CLVS2: variants seen among roughly 807,000 people sequenced by gnomAD.
The protein encoded by CLVS2 is clavesin 2.
CLVS2 carries 19 observed loss-of-function variants against 29.0 expected under a neutral mutation model. The observed-to-expected ratio is 0.66, with a 90% CI of 0.46 to 0.96. The LOEUF (loss-of-function observed/expected upper bound fraction) is 0.96. Among genes scored for constraint, CLVS2 ranks in the 40% least tolerant of loss-of-function variants. The pLI is 0.00. For synonymous variants in CLVS2, 161 were observed against 151.3 expected (o/e 1.06, Z -0.47); for missense variants, 294 against 404.1 (o/e 0.73, Z 2.34).
chr6:123,012,080 G>T (rs61457326), intron 3 of CLVS2, among the ~76,000 whole-genome samples: 1 of 151,808 alleles, frequency 6.6e-6, no homozygotes, highest in Non-Finnish European at 1.5e-5. Flanking sequence ...TCTGCCTCTG[G>T]ACTGAATAAG....
chr6:123,000,157 A>G lies in CLVS2; in HGVS notation c.389+1991A>G, dbSNP rs540450239. Among the ~76,000 whole-genome samples the G allele has an allele frequency of 7.9e-5, 12 of 152,294 alleles. No individual in the cohort carries two copies. The East Asian group carries it at 1.9e-3, about 25-fold the overall frequency. ...AAATGAGAAGCTGTGTTCTGTAGAA[A>G]TTTCCTGTCAAGATGTCTAGACTTG... On this transcript the variant is annotated intron_variant, in intron 2 of 5. Coordinates refer to ENST00000275162, the MANE Select transcript of CLVS2 (RefSeq NM_001010852.4).
intron 3 of CLVS2, among the ~76,000 whole-genome samples, chr6:123,046,425 C>G (rs555733009): frequency 1.9e-4 from 29 of 152,116 alleles, no homozygotes; most frequent in Non-Finnish European, 3.8e-4. Context: ...TTTGGGAGGC[C>G]GAGGTGGGCG....
intron 3 of CLVS2, among the ~76,000 whole-genome samples, chr6:123,023,606 G>A (rs1284914563): frequency 6.6e-6 from 1 of 152,102 alleles, no homozygotes; most frequent in African/African-American, 2.4e-5. Flanking sequence ...GGAAGAAAGA[G>A]ATTTACTTTT....
At chr6:123,059,199 C>T (rs912849908) in intron 5 of CLVS2, among the ~76,000 whole-genome samples, 1 of 152,196 alleles carries the variant, frequency 6.6e-6, no homozygotes, top group Middle Eastern at 3.4e-3. Flanking sequence ...GTCAGCTCCT[C>T]GAAAGAGTCT....
At chr6:123,044,913 T>C (rs1231473287) in intron 3 of CLVS2, among the ~76,000 whole-genome samples, 7 of 152,192 alleles carry the variant, frequency 4.6e-5, no homozygotes, top group Non-Finnish European at 1.0e-4. Context: ...TATTTTCCTT[T>C]CACTCTTCCA....
chr6:123,066,178 A>T lies in CLVS2; in HGVS notation c.*2417A>T, dbSNP rs896595343. The T allele has an allele frequency of 2.6e-5, 4 of 151,922 alleles. No individual in the cohort carries two copies. Among genetic ancestry groups the T allele is most frequent in the African/African-American group, 7.2e-5 (3 of 41,542 alleles). The allele number at this position is 151,922 out of a possible 1,614,324, so 9.4% of individuals were successfully genotyped here. A position where few individuals can be genotyped will look rare whatever the true frequency, so the allele number is the denominator to read the frequency against. ...AGTCAAGGGATATTCATTCAACTTT[A>T]TAAATTTACCCCTCAGCACCAGCTA... On this transcript the variant is annotated 3_prime_UTR_variant, in exon 6 of 6. Transcript: ENST00000275162.
intron 3 of CLVS2, among the ~76,000 whole-genome samples, chr6:123,018,469 C>T (rs9401630): frequency 0.39 from 59,729 of 151,320 alleles, 12,052 homozygotes; most frequent in South Asian, 0.48. Context: ...AATTTTATCT[C>T]ATGAACACTT....
At position 122,997,525 on chromosome 6, in the gene CLVS2, G is replaced by T. The variant is rs1307449525; in HGVS notation, c.-253G>T. 1 of 543,590 alleles carries T rather than the reference G, an allele frequency of 1.8e-6. No homozygotes were observed. Among genetic ancestry groups the T allele is most frequent in the Non-Finnish European group, 3.4e-6 (1 of 297,162 alleles). The allele number at this position is 543,590 out of a possible 1,614,324, so 33.7% of individuals were successfully genotyped here. A position where few individuals can be genotyped will look rare whatever the true frequency, so the allele number is the denominator to read the frequency against. On this transcript the variant is annotated 5_prime_UTR_variant, in exon 2 of 6. Transcript: ENST00000275162. The stretch of plus-strand genomic sequence containing the variant: ...CATCTCTTTAAAGGAAAGGAAAGAG[G>T]GAGCCAAAGTAGGGTGTTGTATTTT...
chr6:123,023,458 C>T (rs1159143252), intron 3 of CLVS2, among the ~76,000 whole-genome samples: 1 of 151,908 alleles, frequency 6.6e-6, no homozygotes, highest in African/African-American at 2.4e-5. Context: ...AGAATTATCC[C>T]CTCCCTTTTC....
chr6:123,015,226 A>G (rs1035275996), intron 3 of CLVS2, among the ~76,000 whole-genome samples: 1 of 151,990 alleles, frequency 6.6e-6, no homozygotes, highest in African/African-American at 2.4e-5. Flanking sequence ...CCCTGGCTCT[A>G]TGGCATAAAA....
intron 5 of CLVS2, 22 bp downstream of exon 5, chr6:123,056,048 G>A (rs1772689388): frequency 6.4e-7 from 1 of 1,561,598 alleles, no homozygotes; most frequent in Non-Finnish European, 8.8e-7. Context: ...GTAGACTGGG[G>A]AGTGGGCTGG....
rs1223231402 is a variant in CLVS2, at chr6:122,997,990, C to T, written c.213C>T (p.Leu71=). 1.2e-6 allele frequency: 2 copies of T among 1,614,118 alleles called. No homozygotes were observed. The highest frequency in any genetic ancestry group is 2.2e-5 in the East Asian group (1 of 44,866). The change falls in exon 2 of 6, where the codon CTC becomes CTT. Residue 71 remains leucine (L), a synonymous_variant. Coordinates refer to ENST00000275162, the MANE Select transcript of CLVS2 (RefSeq NM_001010852.4). ...TTCATCACTTTGAGGCCTTCCGCCT[C>T]CTGGCGCAGTACTTTGAGTACCGGC... is the stretch of plus-strand genomic sequence containing the variant. The part of the protein sequence containing the change: ...RKFHHFEAFR[L]LAQYFEYRQQ...
At chr6:123,020,963 A>G (rs1018162332) in intron 3 of CLVS2, among the ~76,000 whole-genome samples, 8 of 151,394 alleles carry the variant, frequency 5.3e-5, no homozygotes, top group Admixed American at 1.3e-4. Flanking sequence ...ATTGCTGCAA[A>G]TCTTAGAACT....
intron 3 of CLVS2, among the ~76,000 whole-genome samples, chr6:123,030,201 G>T (rs1229346050): frequency 1.3e-5 from 2 of 152,144 alleles, no homozygotes; most frequent in African/African-American, 2.4e-5. Flanking sequence ...TAATAAAAGT[G>T]TGTAAATTTA....
chr6:123,031,620 G>C (rs1359106896), intron 3 of CLVS2, among the ~76,000 whole-genome samples: 7 of 152,126 alleles, frequency 4.6e-5, no homozygotes, highest in Non-Finnish European at 1.0e-4. Flanking sequence ...AAAACCCTAA[G>C]TTGTACATCT....
At chr6:123,048,806 T>A (rs1044951952) in intron 4 of CLVS2, 74 bp downstream of exon 4, 4 of 900,584 alleles carry the variant, frequency 4.4e-6, no homozygotes, top group African/African-American at 1.7e-5. Flanking sequence ...GTGTATATAA[T>A]GTTAGCTATA....
In CLVS2 at chr6:123,068,191, TC is replaced by T. The variant is rs1442040553; in HGVS notation, c.*4431del. 1 of 151,578 alleles carries T rather than the reference TC, an allele frequency of 6.6e-6. No individual in the cohort carries two copies. Among genetic ancestry groups the T allele is most frequent in the Non-Finnish European group, 1.5e-5 (1 of 67,642 alleles). 9.4% of individuals were successfully genotyped at this position (151,578 alleles called of 1,614,324 possible). A position where few individuals can be genotyped will look rare whatever the true frequency, so the allele number is the denominator to read the frequency against. On this transcript the variant is annotated 3_prime_UTR_variant, in exon 6 of 6. Transcript: ENST00000275162. ...TGAAACACTCAAATTAGCCTTTTTT[TC>T]AAGGAAGCAGGTGTACAAATGATGC...
At chr6:123,048,403 C>T (rs6916008) in intron 3 of CLVS2, among the ~76,000 whole-genome samples, 1 of 151,896 alleles carries the variant, frequency 6.6e-6, no homozygotes, top group Non-Finnish European at 1.5e-5. Context: ...TATCAATAAC[C>T]TATTCTTGGG....
chr6:123,010,161 A>G lies in CLVS2; in HGVS notation c.390-824A>G, dbSNP rs540929732. On this transcript the variant is annotated intron_variant, in intron 2 of 5. Coordinates refer to ENST00000275162, the MANE Select transcript of CLVS2 (RefSeq NM_001010852.4). ...AGTCCTCACATTGTCACAGTATAAC[A>G]AGATTGTCTAAAATGCCACTCAAAT... Among the ~76,000 whole-genome samples the G allele has an allele frequency of 2.4e-4, 36 of 152,166 alleles. No individual in the cohort carries two copies. The South Asian group carries it at 7.3e-3, about 31-fold the overall frequency.
Sources: gnomAD v4.1 joint callset for allele counts (sites outside exome capture counted in the v4.1 genomes callset) on GRCh38, gnomAD v4.1.1 for gene constraint, MANE v1.5 for transcripts, NCBI Gene and HGNC (gene_info 2026-07-23, HGNC 2026-07-21) for gene names.